The following FAM20A variants were observed in gnomAD, a reference collection of about 807,000 sequenced individuals.
FAM20A encodes FAM20A golgi associated secretory pathway pseudokinase, also known as pseudokinase FAM20A.
FAM20A carries 42 observed loss-of-function variants against 52.0 expected under a neutral mutation model. That is an observed-to-expected ratio of 0.81 (90% CI 0.63 to 1.04). The LOEUF (loss-of-function observed/expected upper bound fraction) is 1.04, where lower values mean the gene tolerates loss of function less well. FAM20A is among the 50% of genes least tolerant of loss of function. FAM20A has a pLI of 0.00. For missense variants in FAM20A, 742 were observed against 712.7 expected (o/e 1.04, Z -0.47); for synonymous variants, 304 against 298.9 (o/e 1.02, Z -0.18).
rs1173157692 is a variant in FAM20A, at chr17:68,536,893, C to CT, written c.*583dup. 2.2e-6 allele frequency: 1 copy of CT among 454,114 alleles called. No individual in the cohort carries two copies. Among genetic ancestry groups the CT allele is most frequent in the East Asian group, 6.9e-5 (1 of 14,396 alleles). The allele number at this position is 454,114 out of a possible 1,614,324, so 28.1% of individuals were successfully genotyped here. A position where few individuals can be genotyped will look rare whatever the true frequency, so the allele number is the denominator to read the frequency against. On this transcript the variant is annotated 3_prime_UTR_variant, in exon 11 of 11. Coordinates refer to ENST00000592554, the MANE Select transcript of FAM20A (RefSeq NM_017565.4). Reference sequence around the variant, plus strand: ...ATTTTTGCCACTTGTTATAATATCTCTAAGAAGTTACTCCAGGACCGGGCA... The same window carrying CT: ...ATTTTTGCCACTTGTTATAATATCTCTTAAGAAGTTACTCCAGGACCGGGCA...
chr17:68,549,274 C>T (rs987605656), intron 4 of FAM20A, among the ~76,000 whole-genome samples: 2 of 152,112 alleles, frequency 1.3e-5, no homozygotes, highest in African/African-American at 2.4e-5. Context: ...ACAGGGGAAT[C>T]GCCTGAGGTC....
chr17:68,542,092 G>A lies in FAM20A; in HGVS notation c.1002C>T (p.His334=), dbSNP rs754871684. 1.9e-6 allele frequency: 3 copies of A among 1,613,994 alleles called. No individual in the cohort carries two copies. Among genetic ancestry groups the A allele is most frequent in the South Asian group, 2.2e-5 (2 of 91,080 alleles). The change falls in exon 7 of 11, where the codon CAC becomes CAT. Residue 334 remains histidine, a synonymous_variant. Coordinates refer to ENST00000592554, the MANE Select transcript of FAM20A (RefSeq NM_017565.4). ...KTEYAVCGNP[H]LLEGSLSAFL... ...AGGCAGAGAGGGAACCCTCCAGCAG[G>A]TGTGGGTTGCCACAGACAGCATACT...
chr17:68,590,949 C>CCA (rs1352303523), intron 1 of FAM20A, among the ~76,000 whole-genome samples: 1 of 152,114 alleles, frequency 6.6e-6, no homozygotes, highest in Non-Finnish European at 1.5e-5. Context: ...GCATCTTTGC[C>CCA]CAGGATCTTT....
intron 1 of FAM20A, among the ~76,000 whole-genome samples, chr17:68,593,921 A>C (rs533451165): frequency 3.9e-4 from 59 of 152,360 alleles, no homozygotes; most frequent in South Asian, 2.7e-3. Flanking sequence ...AGAGGTATTC[A>C]GAAAAGCCTT....
intron 4 of FAM20A, among the ~76,000 whole-genome samples, chr17:68,549,265 CAG>C (rs1318951203): frequency 1.1e-4 from 17 of 152,260 alleles, no homozygotes; most frequent in African/African-American, 2.9e-4. Flanking sequence ...GAGGCCAAGA[CAG>C]GGGAATCGCC....
Position 68,600,338 on chromosome 17 carries a change from A to G in FAM20A, c.329T>C (p.Leu110Pro), listed in dbSNP as rs201055670. ...LYNVPEEPPL[L>P]GAEDSLLASQ... is the part of the protein sequence containing the mutation. The stretch of plus-strand genomic sequence containing the variant: ...GGCCAGGAGCGAGTCCTCGGCTCCC[A>G]GGAGAGGCGGCTCCTCCGGGACGTT... Residue 110 changes from leucine (L) to proline (P), a missense_variant, in exon 1 of 11, where the codon CTG (leucine) becomes CCG (proline). Transcript: ENST00000592554. This position sits in a 1 kb window ranked among gnomAD's most constrained non-coding sequence, Gnocchi z 6.2. 4 of 1,599,134 alleles carry G rather than the reference A, an allele frequency of 2.5e-6. No homozygotes were observed. The highest frequency in any genetic ancestry group is 1.1e-5 in the South Asian group (1 of 88,358).
intron 4 of FAM20A, among the ~76,000 whole-genome samples, chr17:68,547,099 C>T (rs1429473569): frequency 6.6e-6 from 1 of 151,822 alleles, no homozygotes; most frequent in African/African-American, 2.4e-5. Flanking sequence ...GATGTGTGGT[C>T]ATCCAGGCTT....
intron 1 of FAM20A, among the ~76,000 whole-genome samples, chr17:68,563,151 T>C (rs985042235): frequency 6.6e-6 from 1 of 152,048 alleles, no homozygotes; most frequent in Non-Finnish European, 1.5e-5. Context: ...TTTGGGAGGC[T>C]GAGGCGGGCA....
intron 4 of FAM20A, among the ~76,000 whole-genome samples, chr17:68,544,608 C>T (rs894774075): frequency 1.3e-5 from 2 of 152,172 alleles, no homozygotes; most frequent in Non-Finnish European, 2.9e-5. Flanking sequence ...CAATTTAAAC[C>T]GTGTTGTGCA....
Position 68,539,398 on chromosome 17 carries a change from TAGG to T in FAM20A, c.1302-5_1302-3del. The T allele has an allele frequency of 6.2e-7, 1 of 1,614,142 alleles. No individual in the cohort carries two copies. Among genetic ancestry groups the T allele is most frequent in the South Asian group, 1.1e-5 (1 of 91,084 alleles). On this transcript the variant is annotated splice_polypyrimidine_tract_variant and splice_region_variant and intron_variant, in intron 9 of 10. Coordinates refer to ENST00000592554, the MANE Select transcript of FAM20A (RefSeq NM_017565.4). ...TCATCATGGGAGTGTCGTCCGAACC[TAGG>T]AGGAGAAACAGGCTTTTATGGGTGG...
At position 68,535,607 on chromosome 17, in the gene FAM20A, A is replaced by C. The variant is rs1343207936; in HGVS notation, c.*1870T>G. The C allele has an allele frequency of 2.2e-6, 1 of 454,132 alleles. No individual in the cohort carries two copies. Among genetic ancestry groups the C allele is most frequent in the East Asian group, 6.9e-5 (1 of 14,396 alleles). 28.1% of individuals were successfully genotyped at this position (454,132 alleles called of 1,614,324 possible). A position where few individuals can be genotyped will look rare whatever the true frequency, so the allele number is the denominator to read the frequency against. ...GGGAGCCCTATGCTGCAGTAGGGCC[A>C]CAACAGTTAAGGAAATCTTTGGGAT... On this transcript the variant is annotated 3_prime_UTR_variant, in exon 11 of 11. Transcript: ENST00000592554.
chr17:68,549,935 T>C (rs1320110750), intron 4 of FAM20A, among the ~76,000 whole-genome samples: 1 of 152,250 alleles, frequency 6.6e-6, no homozygotes, highest in East Asian at 1.9e-4. Flanking sequence ...CCTGAAATTG[T>C]CCCTTGGAAA....
rs2088607247 is a variant in FAM20A at position 68,600,909 on chromosome 17, G to A, written c.-243C>T. 2.1e-6 allele frequency: 1 copy of A among 485,196 alleles called. No homozygotes were observed. Among genetic ancestry groups the A allele is most frequent in the Non-Finnish European group, 3.6e-6 (1 of 279,524 alleles). 30.1% of individuals were successfully genotyped at this position (485,196 alleles called of 1,614,324 possible). A position where few individuals can be genotyped will look rare whatever the true frequency, so the allele number is the denominator to read the frequency against. ...CGGGCGTCGCTTCTCCGCGCCGAGT[G>A]AGCCGAGGGAATGGGGTTCCCGGGG... On this transcript the variant is annotated 5_prime_UTR_variant, in exon 1 of 11. Coordinates refer to ENST00000592554, the MANE Select transcript of FAM20A (RefSeq NM_017565.4). This position sits in a 1 kb window ranked among gnomAD's most constrained non-coding sequence, Gnocchi z 6.2.
chr17:68,577,457 C>A (rs781673110), intron 1 of FAM20A, among the ~76,000 whole-genome samples: 13 of 151,414 alleles, frequency 8.6e-5, no homozygotes, highest in Non-Finnish European at 1.5e-4. Context: ...TTTTACCCCT[C>A]AGGGGACATT....
intron 9 of FAM20A, 113 bp from the exon 10 acceptor site, chr17:68,539,509 G>C (rs1297122220): frequency 1.1e-6 from 1 of 945,744 alleles, no homozygotes; most frequent in African/African-American, 1.6e-5. Context: ...AAAATGCCAG[G>C]GATCATGGCA....
intron 1 of FAM20A, among the ~76,000 whole-genome samples, chr17:68,579,287 A>C (rs1301952516): frequency 6.6e-6 from 1 of 152,108 alleles, no homozygotes; most frequent in Non-Finnish European, 1.5e-5. Flanking sequence ...CTTGAACTTG[A>C]TGCAGAACCA....
intron 3 of FAM20A, among the ~76,000 whole-genome samples, chr17:68,553,601 T>A (rs2086938643): frequency 6.6e-6 from 1 of 152,106 alleles, no homozygotes; most frequent in East Asian, 1.9e-4. Flanking sequence ...ATGCCATTAA[T>A]CACTTATCCT....
chr17:68,572,003 T>TA (rs1421595433), intron 1 of FAM20A, among the ~76,000 whole-genome samples: 21 of 34,460 alleles, frequency 6.1e-4, no homozygotes, highest in African/African-American at 2.6e-3. Context: ...TATATATATA[T>TA]ATATATATAT....
chr17:68,580,977 A>T (rs1472539727), intron 1 of FAM20A, among the ~76,000 whole-genome samples: 1 of 152,240 alleles, frequency 6.6e-6, no homozygotes, highest in East Asian at 1.9e-4. Flanking sequence ...TATGTGTAAG[A>T]TACTCCACCA....
Sources: allele counts gnomAD v4.1 joint callset (sites outside exome capture counted in the v4.1 genomes callset), GRCh38; gene constraint gnomAD v4.1.1; non-coding constraint Gnocchi (gnomAD v3.1); transcripts MANE v1.5; gene names NCBI Gene and HGNC (gene_info 2026-07-23, HGNC 2026-07-21).